ZW10: variants seen among roughly 807,000 people sequenced by gnomAD.
ZW10 encodes the protein zw10 kinetochore protein.
ZW10 carries 53 observed loss-of-function variants against 87.8 expected under a neutral mutation model. The observed-to-expected ratio is 0.60, with a 90% CI of 0.48 to 0.76. The LOEUF is 0.76. ZW10 is among the 30% of genes least tolerant of loss of function. The pLI is 0.00. For missense variants in ZW10, 837 were observed against 923.0 expected (o/e 0.91, Z 1.21); for synonymous variants, 312 against 329.2 (o/e 0.95, Z 0.57).
At position 113,772,292 on chromosome 11, in the gene ZW10, T is replaced by TA. The variant is rs562928026; in HGVS notation, c.105+1269dup. ...GGTCGCTTGCCATGCTAGAGTAACT[T>TA]AAAAACCTGTCCTCTTTCCATCACA... On this transcript the variant is annotated intron_variant, in intron 1 of 15. Coordinates refer to ENST00000200135, the MANE Select transcript of ZW10 (RefSeq NM_004724.4). Among the ~76,000 whole-genome samples the TA allele has an allele frequency of 5.1e-4, 78 of 152,278 alleles. 1 individual carries two copies. In the East Asian group the frequency reaches 0.013, roughly 25 times the overall value.
rs1427684124 is a variant in ZW10, at chr11:113,744,007, ACT to A, written c.1304_1305del (p.Glu435ValfsTer5). The A allele has an allele frequency of 1.2e-6, 2 of 1,613,618 alleles. No homozygotes were observed. Among genetic ancestry groups the A allele is most frequent in the African/African-American group, 2.7e-5 (2 of 74,932 alleles). On this transcript the variant is annotated frameshift_variant, in exon 10 of 16. Transcript: ENST00000200135. LOFTEE classifies it high-confidence loss of function. Reference sequence around the variant, plus strand: ...TTGTTATCCTCATCAGGAGTGGGTAACTCTGGCACATTTATCTTAGAATCAGG... The same window carrying A: ...TTGTTATCCTCATCAGGAGTGGGTAACTGGCACATTTATCTTAGAATCAGG... ...IIPDSKINVP[E>X]LPTPDEDNKL...
chr11:113,755,493 T>C (rs991931086), intron 7 of ZW10, among the ~76,000 whole-genome samples: 4 of 152,238 alleles, frequency 2.6e-5, no homozygotes, highest in Admixed American at 2.0e-4. Context: ...TTCTAGTGGA[T>C]GAACAAAGAA....
rs41468448 is a variant in ZW10, at chr11:113,733,610, C to T, written c.*84G>A. 3,337 of 1,582,864 alleles carry T rather than the reference C, an allele frequency of 2.1e-3. 76 individuals carry two copies. The African/African-American group carries it at 0.04, about 19-fold the overall frequency. ...GTACTGGTTCACCAAAACCAATGGG[C>T]GATTCAAAGAAGTCTTTAAGGGAGT... On this transcript the variant is annotated 3_prime_UTR_variant, in exon 16 of 16. Transcript: ENST00000200135.
Position 113,760,837 on chromosome 11 carries a change from A to C in ZW10, c.322T>G (p.Leu108Val). The C allele has an allele frequency of 6.2e-7, 1 of 1,614,060 alleles. No individual in the cohort carries two copies. The highest frequency in any genetic ancestry group is 8.5e-7 in the Non-Finnish European group (1 of 1,180,010). The change falls in exon 3 of 16, where the codon TTG becomes GTG. Residue 108 changes from leucine to valine, a missense_variant. By Grantham distance (32) the Leu-to-Val change is conservative (BLOSUM62 1). Transcript: ENST00000200135. ...CTGACCTCCTGCAACTGTTTAAGCA[A>C]ACTTAGGACAACTGAGTCTCTTTCC... ...QLERDSVVLSLLKQLQEFSTA... is the reference protein window; with the variant it reads ...QLERDSVVLSVLKQLQEFSTA...
rs993987367 is a variant in ZW10 at position 113,733,504 on chromosome 11, ATCTTAATAAACAGT to A, written c.*176_*189del. 3 of 630,050 alleles carry A rather than the reference ATCTTAATAAACAGT, an allele frequency of 4.8e-6. No homozygotes were observed. In the African/African-American group the frequency reaches 5.7e-5, roughly 12 times the overall value. 39.0% of individuals were successfully genotyped at this position (630,050 alleles called of 1,614,324 possible). Reference sequence around the variant, plus strand: ...ATTGAGGTGCTTTACTTGACAATTTATCTTAATAAACAGTTCTTAAACAAAGCCTCGTACAGGCC... The same window carrying A: ...ATTGAGGTGCTTTACTTGACAATTTATCTTAAACAAAGCCTCGTACAGGCC... On this transcript the variant is annotated 3_prime_UTR_variant, in exon 16 of 16. Coordinates refer to ENST00000200135, the MANE Select transcript of ZW10 (RefSeq NM_004724.4).
chr11:113,741,191 A>C (rs2134869306), intron 11 of ZW10, among the ~76,000 whole-genome samples: 1 of 152,116 alleles, frequency 6.6e-6, no homozygotes, highest in East Asian at 1.9e-4. Context: ...TGTTGCTCAA[A>C]CTAATCTCAA....
chr11:113,748,760 A>C (rs1281620408), intron 7 of ZW10, among the ~76,000 whole-genome samples: 1 of 152,232 alleles, frequency 6.6e-6, no homozygotes, highest in Non-Finnish European at 1.5e-5. Flanking sequence ...GTTTAGAATA[A>C]AATCTCACTT....
chr11:113,765,878 G>C (rs1249426789), intron 2 of ZW10, among the ~76,000 whole-genome samples: 1 of 152,166 alleles, frequency 6.6e-6, no homozygotes, highest in African/African-American at 2.4e-5. Flanking sequence ...CAAAAGGGAG[G>C]TATGCTTGCT....
chr11:113,764,152 T>A (rs1259336812), intron 2 of ZW10, among the ~76,000 whole-genome samples: 1 of 152,178 alleles, frequency 6.6e-6, no homozygotes, highest in Non-Finnish European at 1.5e-5. Flanking sequence ...GTCAGGTTTG[T>A]CAAAGATCAG....
intron 7 of ZW10, among the ~76,000 whole-genome samples, chr11:113,750,190 G>T (rs1299292375): frequency 6.6e-6 from 1 of 152,042 alleles, no homozygotes; most frequent in Non-Finnish European, 1.5e-5. Context: ...AAGAGCAAAG[G>T]TAAAAAAGAC....
chr11:113,765,647 G>A (rs566279726), intron 2 of ZW10, among the ~76,000 whole-genome samples: 20 of 152,164 alleles, frequency 1.3e-4, no homozygotes, highest in Non-Finnish European at 2.2e-4. Flanking sequence ...GATTCACTGG[G>A]TCTGGATTGA....
At chr11:113,770,820 T>A (rs1437003198) in intron 1 of ZW10, among the ~76,000 whole-genome samples, 6 of 133,536 alleles carry the variant, frequency 4.5e-5, no homozygotes, top group Non-Finnish European at 6.3e-5. Context: ...AGACTCTACC[T>A]CAAAAAAGAA....
At position 113,747,533 on chromosome 11, in the gene ZW10, TCA is replaced by T; in HGVS notation, c.1268_1269del (p.Val423GlufsTer5). Reference protein sequence around the residue: ...NLMTSEIHNTVKIIPDSKINV... With the variant: ...NLMTSEIHNTXKIIPDSKINV... ...ACAATGCAATATAACACTGGTACCT[TCA>T]CAGTGTTATGAATTTCTGAGGTCAT... On this transcript the variant is annotated frameshift_variant, in exon 9 of 16. Transcript: ENST00000200135. LOFTEE classifies it high-confidence loss of function. 6.2e-7 allele frequency: 1 copy of T among 1,611,544 alleles called. No individual in the cohort carries two copies. The highest frequency in any genetic ancestry group is 2.2e-5 in the East Asian group (1 of 44,828).
intron 2 of ZW10, among the ~76,000 whole-genome samples, chr11:113,767,322 A>T (rs1953918954): frequency 6.6e-6 from 1 of 152,038 alleles, no homozygotes; most frequent in Non-Finnish European, 1.5e-5. Context: ...TAGGCACCTT[A>T]AATTTAAATT....
In ZW10 at chr11:113,748,416, CA is replaced by C; in HGVS notation, c.929del (p.Leu310CysfsTer24). 6.3e-7 allele frequency: 1 copy of C among 1,578,956 alleles called. No homozygotes were observed. On this transcript the variant is annotated frameshift_variant, in exon 8 of 16. Coordinates refer to ENST00000200135, the MANE Select transcript of ZW10 (RefSeq NM_004724.4). LOFTEE classifies it high-confidence loss of function. ...LEVLQKQLLD[L>X]PLDTDLENEK... ...CATTTTCCAGGTCAGTGTCAAGTGGCAAATCTGAATTTTTTAAAAAAAGAAG... is the reference window on the plus strand; with the variant it reads ...CATTTTCCAGGTCAGTGTCAAGTGGCAATCTGAATTTTTTAAAAAAAGAAG...
At chr11:113,736,588 G>A (rs752620553) in intron 15 of ZW10, 32 bp downstream of exon 15, 3 of 1,605,606 alleles carry the variant, frequency 1.9e-6, no homozygotes, top group African/African-American at 2.7e-5. Context: ...GCTATGGAGA[G>A]TTATATGCCT....
chr11:113,753,021 CT>C (rs1319951817), intron 7 of ZW10, among the ~76,000 whole-genome samples: 3 of 150,966 alleles, frequency 2.0e-5, no homozygotes, highest in Non-Finnish European at 3.0e-5. Flanking sequence ...TTTACCTTTA[CT>C]TTTTTTTTAA....
Position 113,768,799 on chromosome 11 carries a change from T to C in ZW10, c.240+34A>G, listed in dbSNP as rs780383583. ...CAATCAGGAAGCTGAACCACCTCCC[T>C]ACAAACCTACCCAATATAACAAATT... On this transcript the variant is annotated intron_variant, in intron 2 of 15. Coordinates refer to ENST00000200135, the MANE Select transcript of ZW10 (RefSeq NM_004724.4). The C allele has an allele frequency of 4.3e-6, 7 of 1,609,474 alleles. No individual in the cohort carries two copies. The Admixed American group carries it at 6.7e-5, about 15-fold the overall frequency.
At chr11:113,758,797 T>C in intron 5 of ZW10, 91 bp from the exon 6 acceptor site, 1 of 1,265,618 alleles carries the variant, frequency 7.9e-7, no homozygotes, top group Non-Finnish European at 1.1e-6. Context: ...ATATTTCCAA[T>C]GCAGTTCTAT....
Sources: allele counts gnomAD v4.1 joint callset (sites outside exome capture counted in the v4.1 genomes callset), GRCh38; gene constraint gnomAD v4.1.1; transcripts MANE v1.5; gene names NCBI Gene and HGNC (gene_info 2026-07-23, HGNC 2026-07-21).